The following PIP5K1A variants were observed in gnomAD, a reference collection of about 807,000 sequenced individuals.
PIP5K1A encodes phosphatidylinositol-4-phosphate 5-kinase type 1 alpha.
In PIP5K1A, 46 loss-of-function variants were observed where a neutral mutation model predicts 72.9. That is an observed-to-expected ratio of 0.63 (90% CI 0.50 to 0.81). The LOEUF is 0.81. Ranked by LOEUF, PIP5K1A falls within the 30% of genes least tolerant of loss-of-function variation. The probability of loss-of-function intolerance (pLI) is 0.00; values close to 1 mark genes in which losing one functional copy is unlikely to be tolerated. For synonymous variants in PIP5K1A, 228 were observed against 255.1 expected, an observed-to-expected ratio of 0.89 and a Z score of 1.01; for missense variants, 458 against 706.1, an observed-to-expected ratio of 0.65 and a Z score of 3.98.
At chr1:151,201,430 A>G (rs1457535471) in intron 1 of PIP5K1A, among the ~76,000 whole-genome samples, 1 of 151,606 alleles carries the variant, frequency 6.6e-6, no homozygotes, top group Non-Finnish European at 1.5e-5. Context: ...GCTTACTGCA[A>G]CCTCTGCCTC....
chr1:151,208,954 G>A (rs1450430769), intron 1 of PIP5K1A, among the ~76,000 whole-genome samples: 3 of 150,290 alleles, frequency 2.0e-5, no homozygotes, highest in African/African-American at 7.3e-5. Context: ...GGATGGTCTC[G>A]ATCTTCTGAC....
intron 10 of PIP5K1A, among the ~76,000 whole-genome samples, 172 bp from the exon 11 acceptor site, chr1:151,238,958 A>C (rs755027960): frequency 3.9e-5 from 6 of 152,242 alleles, no homozygotes; most frequent in Non-Finnish European, 7.3e-5. Context: ...CTCTGTGATG[A>C]ACCAGCACTG....
chr1:151,199,217 A>G (rs1684850013), intron 1 of PIP5K1A, 136 bp downstream of exon 1: 4 of 1,511,788 alleles, frequency 2.6e-6, no homozygotes, highest in Admixed American at 4.2e-5. Flanking sequence ...GCTTTCAAAT[A>G]GGGATTTATG....
At chr1:151,226,776 C>T (rs1689209876) in intron 3 of PIP5K1A, among the ~76,000 whole-genome samples, 1 of 151,582 alleles carries the variant, frequency 6.6e-6, no homozygotes. Flanking sequence ...CCTGTAATCC[C>T]AGCACTTTGG....
At chr1:151,223,243 C>T (rs868239360) in intron 1 of PIP5K1A, among the ~76,000 whole-genome samples, 46 of 150,818 alleles carry the variant, frequency 3.1e-4, no homozygotes, top group African/African-American at 1.1e-3. Flanking sequence ...CCCAGCTACT[C>T]GGGAGGTTGA....
intron 1 of PIP5K1A, among the ~76,000 whole-genome samples, chr1:151,210,569 A>G (rs1385278897): frequency 1.3e-5 from 2 of 151,970 alleles, no homozygotes; most frequent in African/African-American, 4.8e-5. Flanking sequence ...TTTGTGCTCT[A>G]TGTAGGAACT....
In PIP5K1A at chr1:151,242,535, A is replaced by G. The variant is rs61729862; in HGVS notation, c.1608A>G (p.Leu536=). 0.027 allele frequency: 43,365 copies of G among 1,613,400 alleles called. 1,293 individuals are homozygous for G. The highest frequency in any genetic ancestry group is 0.14 in the Admixed American group (8,594 of 59,992). Residue 536 remains leucine, a synonymous_variant, in exon 14 of 16, where the codon CTA becomes CTG. Coordinates refer to ENST00000368888, the MANE Select transcript of PIP5K1A (RefSeq NM_001135638.2). Reference sequence around the variant, plus strand: ...TTCCTGACCCCAGTTTCTCACCTCTAGTTGGAGAGACTTTGCAAATGCTAA... The same window carrying G: ...TTCCTGACCCCAGTTTCTCACCTCTGGTTGGAGAGACTTTGCAAATGCTAA... ...SPIPDPSFSP[L]VGETLQMLTT...
intron 3 of PIP5K1A, 59 bp downstream of exon 3, chr1:151,224,465 ATC>A (rs1378334572): frequency 8.3e-7 from 1 of 1,201,068 alleles, no homozygotes; most frequent in Non-Finnish European, 1.2e-6. Context: ...TATTAACAAT[ATC>A]TCACATTTAT....
chr1:151,245,618 T>C (rs1164111480), intron 14 of PIP5K1A, among the ~76,000 whole-genome samples: 1 of 152,134 alleles, frequency 6.6e-6, no homozygotes, highest in Non-Finnish European at 1.5e-5. Flanking sequence ...TCATTGCAAC[T>C]TCCGCCTCCC....
intron 3 of PIP5K1A, among the ~76,000 whole-genome samples, chr1:151,224,740 C>T (rs770461330): frequency 6.6e-6 from 1 of 152,152 alleles, no homozygotes; most frequent in Non-Finnish European, 1.5e-5. Context: ...TGCATACCTT[C>T]GATGAATATG....
intron 1 of PIP5K1A, among the ~76,000 whole-genome samples, chr1:151,202,748 C>T (rs965266727): frequency 4.0e-5 from 6 of 148,424 alleles, no homozygotes; most frequent in African/African-American, 1.2e-4. Flanking sequence ...GGATTACAGG[C>T]GTGAGCCACC....
At chr1:151,216,401 C>T (rs1687624347) in intron 1 of PIP5K1A, among the ~76,000 whole-genome samples, 1 of 151,428 alleles carries the variant, frequency 6.6e-6, no homozygotes, top group African/African-American at 2.4e-5. Context: ...AGTTCATGGT[C>T]TTCTTCTAAG....
chr1:151,227,622 GC>G (rs1689343959), intron 4 of PIP5K1A, among the ~76,000 whole-genome samples: 1 of 152,136 alleles, frequency 6.6e-6, no homozygotes, highest in Non-Finnish European at 1.5e-5. Context: ...TGGGCACAGT[GC>G]CCCAGGCCTG....
intron 8 of PIP5K1A, among the ~76,000 whole-genome samples, chr1:151,235,719 C>G (rs1309926265): frequency 6.6e-6 from 1 of 152,204 alleles, no homozygotes; most frequent in African/African-American, 2.4e-5. Flanking sequence ...AGGTAGTGTT[C>G]TCTTCATGGA....
intron 1 of PIP5K1A, among the ~76,000 whole-genome samples, chr1:151,216,943 C>T (rs61817978): frequency 0.69 from 100,897 of 146,824 alleles, 34,173 homozygotes; most frequent in Middle Eastern, 0.73. Context: ...GACGGAGTCT[C>T]GCTCTGTCGC....
At chr1:151,216,150 C>T (rs969824553) in intron 1 of PIP5K1A, 6 of 418,506 alleles carry the variant, frequency 1.4e-5, no homozygotes, top group Non-Finnish European at 2.5e-5. Context: ...AGATCGAGAC[C>T]ATCCTGGCTA....
intron 1 of PIP5K1A, among the ~76,000 whole-genome samples, chr1:151,205,334 C>T (rs180831140): frequency 1.1e-4 from 16 of 152,202 alleles, no homozygotes; most frequent in Admixed American, 1.0e-3. Flanking sequence ...CGCCACCACG[C>T]CCAGATAATT....
chr1:151,233,094 C>T (rs587656307), intron 7 of PIP5K1A, among the ~76,000 whole-genome samples: 5 of 102,318 alleles, frequency 4.9e-5, no homozygotes, highest in African/African-American at 1.4e-4. Context: ...AGCAAGACTC[C>T]GTCTCAAAAA....
At position 151,222,951 on chromosome 1, in the gene PIP5K1A, C is replaced by T. The variant is rs369489796; in HGVS notation, c.86-1294C>T. Among the ~76,000 whole-genome samples the T allele has an allele frequency of 2.1e-3, 311 of 151,410 alleles. 13 individuals carry two copies. In the South Asian group the frequency reaches 0.062, roughly 30 times the overall value. ...CACGTAATGGCCAGGCATGGTGGCT[C>T]ATGCCTGTAATCCCATCACTTTGGG... On this transcript the variant is annotated intron_variant, in intron 1 of 15. Transcript: ENST00000368888.
Sources: allele counts gnomAD v4.1 joint callset (sites outside exome capture counted in the v4.1 genomes callset), GRCh38; gene constraint gnomAD v4.1.1; transcripts MANE v1.5; gene names NCBI Gene and HGNC (gene_info 2026-07-23, HGNC 2026-07-21).